P2RY8: variants seen among roughly 807,000 people sequenced by gnomAD.
P2RY8 encodes P2Y receptor family member 8.
Under a neutral mutation model 10.0 loss-of-function variants are expected in P2RY8, and 6 were observed. The ratio of observed to expected loss-of-function variants is 0.60; its 90% CI spans 0.33 to 1.19. The LOEUF (loss-of-function observed/expected upper bound fraction) is 1.19, where lower values mean the gene tolerates loss of function less well. Ranked by LOEUF, P2RY8 falls within the 50% of genes most tolerant of loss-of-function variation. The pLI, the probability that P2RY8 is intolerant of heterozygous loss-of-function variation, is 0.04. For synonymous variants in P2RY8, 276 were observed against 252.5 expected, an observed-to-expected ratio of 1.09 and a Z score of -0.88; for missense variants, 456 against 542.0, an observed-to-expected ratio of 0.84 and a Z score of 1.58.
At chrX:1,492,242 G>A (rs1205952555) in intron 1 of P2RY8, among the ~76,000 whole-genome samples, 1 of 152,188 alleles carries the variant, frequency 6.6e-6, no homozygotes, top group African/African-American at 2.4e-5. Flanking sequence ...TCACCCAAGA[G>A]AGGGGTGTGG....
intron 1 of P2RY8, among the ~76,000 whole-genome samples, chrX:1,518,171 A>T (rs2092364684): frequency 6.6e-6 from 1 of 151,612 alleles, no homozygotes; most frequent in South Asian, 2.1e-4. Flanking sequence ...CACGCCCGTC[A>T]TCTCAGCACT....
chrX:1,498,330 T>A (rs62603023), intron 1 of P2RY8, among the ~76,000 whole-genome samples: 2 of 136,556 alleles, frequency 1.5e-5, no homozygotes, highest in Non-Finnish European at 3.1e-5. Context: ...GGCGTGAACC[T>A]GGGAGGCGGA....
chrX:1,490,848 C>T lies in P2RY8; in HGVS notation c.-24-24266G>A, dbSNP rs1208036886. Among the ~76,000 whole-genome samples the T allele has an allele frequency of 3.4e-4, 49 of 145,670 alleles. 1 individual carries two copies. The highest frequency in any genetic ancestry group is 9.7e-4 in the Admixed American group (14 of 14,412). On this transcript the variant is annotated intron_variant, in intron 1 of 1. Coordinates refer to ENST00000381297, the MANE Select transcript of P2RY8 (RefSeq NM_178129.5). The stretch of plus-strand genomic sequence containing the variant: ...TGTGGGGGGAATGAATGAATGATAC[C>T]CCAGATTCACTTCTGCAAATGTAGA...
rs747306551 is a variant in P2RY8, at chrX:1,464,268, C to T, written c.*1211G>A. The T allele has an allele frequency of 3.0e-4, 69 of 233,364 alleles. No individual in the cohort carries two copies. Among genetic ancestry groups the T allele is most frequent in the Non-Finnish European group, 4.8e-4 (57 of 118,098 alleles). The allele number at this position is 233,364 out of a possible 1,614,324, so 14.5% of individuals were successfully genotyped here. ...CCTGGAGAGTCAGAGCTCTTCTTTG[C>T]GCTAAACCAGCTCAGGTGTTGGGGC... is the stretch of plus-strand genomic sequence containing the variant. On this transcript the variant is annotated 3_prime_UTR_variant, in exon 2 of 2. Transcript: ENST00000381297.
intron 1 of P2RY8, among the ~76,000 whole-genome samples, chrX:1,505,930 C>T (rs1433482435): frequency 6.6e-6 from 1 of 151,300 alleles, no homozygotes; most frequent in African/African-American, 2.4e-5. Context: ...CATTTCTAAA[C>T]TTTGTAACAA....
In P2RY8 at chrX:1,527,234, T is replaced by C. The variant is rs546905476; in HGVS notation, c.-25+9687A>G. On this transcript the variant is annotated intron_variant, in intron 1 of 1. Transcript: ENST00000381297. Reference sequence around the variant, plus strand: ...TTATCCATCCACCTACCTATCCATCTGTTCATCCGTCCATCTATTTATTCA... The same window carrying C: ...TTATCCATCCACCTACCTATCCATCCGTTCATCCGTCCATCTATTTATTCA... Among the ~76,000 whole-genome samples the C allele has an allele frequency of 5.3e-5, 8 of 152,244 alleles. No individual in the cohort carries two copies. In the South Asian group the frequency reaches 1.7e-3, roughly 32 times the overall value.
At chrX:1,470,066 A>T (rs1237051829) in intron 1 of P2RY8, among the ~76,000 whole-genome samples, 3 of 151,832 alleles carry the variant, frequency 2.0e-5, no homozygotes, top group Non-Finnish European at 4.4e-5. Flanking sequence ...CCTAAACAAA[A>T]CTCAGGACCT....
intron 1 of P2RY8, among the ~76,000 whole-genome samples, chrX:1,525,244 C>G (rs1369010357): frequency 6.6e-6 from 1 of 152,220 alleles, no homozygotes; most frequent in Non-Finnish European, 1.5e-5. Flanking sequence ...TTCAAAGCCT[C>G]AACATAGGTA....
At position 1,464,109 on chromosome X, in the gene P2RY8, C is replaced by G. The variant is rs759044253; in HGVS notation, c.*1370G>C. ...CCCCAGTGCACAGAAAGGGAGGGGC[C>G]GGGCATCCAAGGCCACCCACTGCGG... On this transcript the variant is annotated 3_prime_UTR_variant, in exon 2 of 2. Transcript: ENST00000381297. 2 of 233,208 alleles carry G rather than the reference C, an allele frequency of 8.6e-6. No homozygotes were observed. Among genetic ancestry groups the G allele is most frequent in the Non-Finnish European group, 1.7e-5 (2 of 118,108 alleles). 14.4% of individuals were successfully genotyped at this position (233,208 alleles called of 1,614,324 possible).
At chrX:1,512,408 G>A (rs1194065328) in intron 1 of P2RY8, among the ~76,000 whole-genome samples, 1 of 151,988 alleles carries the variant, frequency 6.6e-6, no homozygotes, top group Non-Finnish European at 1.5e-5. Context: ...TTAGCCAGGC[G>A]TGGTGGTGGG....
intron 1 of P2RY8, among the ~76,000 whole-genome samples, chrX:1,482,494 C>T (rs2091946339): frequency 6.6e-6 from 1 of 152,126 alleles, no homozygotes; most frequent in African/African-American, 2.4e-5. Context: ...GCAGGCTTGA[C>T]TTCCTAACAG....
rs755527942 is a variant in P2RY8, at chrX:1,465,923, A to G, written c.636T>C (p.Cys212=). ...FLIPFVITVA[C]YTATILKLLR... ...ACAGCTTGAGGATGGTGGCCGTGTA[A>G]CAAGCCACGGTGATCACGAACGGGA... The change falls in exon 2 of 2, where the codon TGT becomes TGC. Residue 212 remains cysteine (C), a synonymous_variant. Transcript: ENST00000381297. The G allele has an allele frequency of 6.2e-7, 1 of 1,612,494 alleles. No homozygotes were observed. Among genetic ancestry groups the G allele is most frequent in the Non-Finnish European group, 8.5e-7 (1 of 1,179,770 alleles).
At chrX:1,466,679 C>G in intron 1 of P2RY8, 97 bp from the exon 2 acceptor site, 1 of 1,212,758 alleles carries the variant, frequency 8.2e-7, no homozygotes, top group Middle Eastern at 2.9e-4. Context: ...GGGACCAAGG[C>G]GGGGGAGATG....
At chrX:1,506,763 T>C (rs1307451340) in intron 1 of P2RY8, among the ~76,000 whole-genome samples, 1 of 151,900 alleles carries the variant, frequency 6.6e-6, no homozygotes, top group African/African-American at 2.4e-5. Context: ...CTACAACCTC[T>C]GCCTCCCTGG....
intron 1 of P2RY8, among the ~76,000 whole-genome samples, chrX:1,478,230 A>G (rs1199999262): frequency 1.0e-5 from 1 of 96,506 alleles, no homozygotes; most frequent in African/African-American, 4.1e-5. Flanking sequence ...TTAAAATGAA[A>G]AATGGTGCTG....
Position 1,466,043 on chromosome X carries a change from G to A in P2RY8, c.516C>T (p.Ile172=). The change falls in exon 2 of 2, where the codon ATC becomes ATT. Residue 172 remains isoleucine, a synonymous_variant. Coordinates refer to ENST00000381297, the MANE Select transcript of P2RY8 (RefSeq NM_178129.5). The part of the protein sequence containing the change: ...DLTYPVHALG[I]ITCFDVLKWT... ...ACTTGAGGACGTCGAAGCAGGTGATGATGCCCAGGGCGTGCACCGGGTAGG... is the reference window on the plus strand; with the variant it reads ...ACTTGAGGACGTCGAAGCAGGTGATAATGCCCAGGGCGTGCACCGGGTAGG... The A allele has an allele frequency of 6.2e-7, 1 of 1,611,854 alleles. No individual in the cohort carries two copies. The highest frequency in any genetic ancestry group is 8.5e-7 in the Non-Finnish European group (1 of 1,179,758).
Position 1,518,151 on chromosome X carries a change from C to T in P2RY8, c.-25+18770G>A, listed in dbSNP as rs190875120. Among the ~76,000 whole-genome samples, 691 of 150,600 alleles carry T rather than the reference C, an allele frequency of 4.6e-3. 13 individuals carry two copies. Among genetic ancestry groups the T allele is most frequent in the East Asian group, 0.03 (152 of 5,110 alleles). ...ATAAATAAAAATAATCTTGGCCGGG[C>T]GCGGTGGCTCACGCCCGTCATCTCA... On this transcript the variant is annotated intron_variant, in intron 1 of 1. Coordinates refer to ENST00000381297, the MANE Select transcript of P2RY8 (RefSeq NM_178129.5).
intron 1 of P2RY8, among the ~76,000 whole-genome samples, chrX:1,521,393 CT>C (rs1163962305): frequency 1.3e-5 from 2 of 151,546 alleles, no homozygotes; most frequent in Non-Finnish European, 3.0e-5. Flanking sequence ...AATAATATCT[CT>C]GGTCCCCAAT....
intron 1 of P2RY8, among the ~76,000 whole-genome samples, chrX:1,511,354 G>A (rs1450324631): frequency 2.6e-5 from 4 of 152,132 alleles, no homozygotes; most frequent in Non-Finnish European, 1.5e-5. Context: ...AGCTCCTCCT[G>A]TAACCTGTTG....
Sources: allele counts gnomAD v4.1 joint callset (sites outside exome capture counted in the v4.1 genomes callset), GRCh38; gene constraint gnomAD v4.1.1; transcripts MANE v1.5; gene names NCBI Gene and HGNC (gene_info 2026-07-23, HGNC 2026-07-21).